FHIT: variants seen among roughly 807,000 people sequenced by gnomAD.
The protein encoded by FHIT is fragile histidine triad diadenosine triphosphatase.
A neutral mutation model predicts 17.9 loss-of-function variants in FHIT; 19 were observed. That is an observed-to-expected ratio of 1.06 (90% CI 0.74 to 1.56). FHIT has a LOEUF of 1.56. Among genes scored for constraint, FHIT ranks in the 40% most tolerant of loss-of-function variants. The pLI, the probability that FHIT is intolerant of heterozygous loss-of-function variation, is 0.00. For missense variants in FHIT, 248 were observed against 189.2 expected, an observed-to-expected ratio of 1.31 and a Z score of -1.82; for synonymous variants, 81 against 69.7, an observed-to-expected ratio of 1.16 and a Z score of -0.81.
intron 5 of FHIT, among the ~76,000 whole-genome samples, chr3:60,431,175 C>A (rs1195761354): frequency 6.6e-6 from 1 of 150,578 alleles, no homozygotes; most frequent in Non-Finnish European, 1.5e-5. Context: ...CGCACCACTG[C>A]ACTCTAGCCT....
chr3:59,755,874 T>G (rs1033628298), intron 8 of FHIT, among the ~76,000 whole-genome samples: 1 of 152,122 alleles, frequency 6.6e-6, no homozygotes, highest in East Asian at 1.9e-4. Flanking sequence ...TATCTACGGA[T>G]CATCCAAAAA....
intron 5 of FHIT, among the ~76,000 whole-genome samples, chr3:60,255,760 T>G (rs1705957692): frequency 6.6e-6 from 1 of 152,100 alleles, no homozygotes; most frequent in Non-Finnish European, 1.5e-5. Flanking sequence ...TGGATATCTA[T>G]AACTGGTGTT....
chr3:59,898,809 A>G (rs1704192949), intron 8 of FHIT, among the ~76,000 whole-genome samples: 1 of 152,198 alleles, frequency 6.6e-6, no homozygotes, highest in Non-Finnish European at 1.5e-5. Context: ...AACAGTGACA[A>G]TAATAGCTGC....
intron 2 of FHIT, among the ~76,000 whole-genome samples, chr3:61,192,972 T>A (rs1156252565): frequency 3.9e-5 from 6 of 152,192 alleles, no homozygotes; most frequent in African/African-American, 1.4e-4. Flanking sequence ...CCCTTTCGCA[T>A]CTCAAAAACT....
At chr3:60,450,394 A>T (rs925333179) in intron 5 of FHIT, among the ~76,000 whole-genome samples, 2 of 152,096 alleles carry the variant, frequency 1.3e-5, no homozygotes, top group African/African-American at 4.8e-5. Flanking sequence ...TCCCCAAGAT[A>T]TAAATATGTA....
intron 7 of FHIT, among the ~76,000 whole-genome samples, chr3:59,991,588 G>A (rs1047048988): frequency 1.3e-5 from 2 of 151,952 alleles, no homozygotes; most frequent in East Asian, 1.9e-4. Flanking sequence ...CATTGCTATC[G>A]GGTTATTCTC....
rs769656662 is a variant in FHIT at position 60,135,906 on chromosome 3, A to T, written c.104-121754T>A. Among the ~76,000 whole-genome samples, 12 of 152,126 alleles carry T rather than the reference A, an allele frequency of 7.9e-5. 1 individual carries two copies. The highest frequency in any genetic ancestry group is 5.9e-4 in the Admixed American group (9 of 15,254). On this transcript the variant is annotated intron_variant, in intron 5 of 9. Transcript: ENST00000492590. ...AGTGGCTCAAAATCTAAATCCACCT[A>T]AACTGTCCATCATCGCCCCCTCCCC...
At chr3:59,779,188 T>G (rs1702462646) in intron 8 of FHIT, among the ~76,000 whole-genome samples, 1 of 152,168 alleles carries the variant, frequency 6.6e-6, no homozygotes, top group Non-Finnish European at 1.5e-5. Context: ...AGCTTGGACA[T>G]AAAGACTTTC....
chr3:60,620,064 A>G (rs2039074946), intron 4 of FHIT, among the ~76,000 whole-genome samples: 1 of 152,200 alleles, frequency 6.6e-6, no homozygotes, highest in African/African-American at 2.4e-5. Flanking sequence ...AAGAAGCTCA[A>G]CATATATTAT....
intron 5 of FHIT, among the ~76,000 whole-genome samples, chr3:60,315,611 G>A (rs1027037134): frequency 6.6e-6 from 1 of 152,210 alleles, no homozygotes. Flanking sequence ...CATCACTGCT[G>A]CTGCACAGGG....
At chr3:60,214,911 C>T (rs1352406161) in intron 5 of FHIT, among the ~76,000 whole-genome samples, 2 of 152,080 alleles carry the variant, frequency 1.3e-5, no homozygotes, top group Non-Finnish European at 2.9e-5. Context: ...CAAACTAACA[C>T]AGGAACAGGA....
chr3:60,986,040 G>T (rs1710708152), intron 3 of FHIT, among the ~76,000 whole-genome samples: 1 of 152,136 alleles, frequency 6.6e-6, no homozygotes, highest in Admixed American at 6.5e-5. Flanking sequence ...AACGACCCTT[G>T]TGGTTATATT....
chr3:60,341,824 A>T (rs1184900985), intron 5 of FHIT, among the ~76,000 whole-genome samples: 1 of 152,098 alleles, frequency 6.6e-6, no homozygotes, highest in African/African-American at 2.4e-5. Context: ...CTACCAGGGA[A>T]ATATTCGCAC....
At chr3:60,077,395 A>T in intron 5 of FHIT, 1 of 151,994 alleles carries the variant, frequency 6.6e-6, no homozygotes. Context: ...TGGTTTCTAA[A>T]TACCATTCTC....
chr3:60,185,872 T>C (rs1448826812), intron 5 of FHIT, among the ~76,000 whole-genome samples: 1 of 152,182 alleles, frequency 6.6e-6, no homozygotes, highest in Non-Finnish European at 1.5e-5. Flanking sequence ...TAGTATCATC[T>C]TGTACTAATT....
At chr3:60,256,941 A>T (rs1022294493) in intron 5 of FHIT, among the ~76,000 whole-genome samples, 30 of 152,234 alleles carry the variant, frequency 2.0e-4, no homozygotes, top group Non-Finnish European at 3.2e-4. Flanking sequence ...AAGGTATTTT[A>T]CAACTCTGTT....
intron 5 of FHIT, among the ~76,000 whole-genome samples, chr3:60,309,321 G>A (rs1708831318): frequency 6.6e-6 from 1 of 151,840 alleles, no homozygotes; most frequent in Admixed American, 6.6e-5. Flanking sequence ...GGCTCTGGGA[G>A]GACAAGAGAC....
At position 60,527,383 on chromosome 3, in the gene FHIT, T is replaced by C. The variant is rs528857925; in HGVS notation, c.103+9477A>G. Among the ~76,000 whole-genome samples, 4 of 152,346 alleles carry C rather than the reference T, an allele frequency of 2.6e-5. No individual in the cohort carries two copies. In the East Asian group the frequency reaches 7.7e-4, roughly 29 times the overall value. ...GGTATCATGGCTAACTTTTAAAGTA[T>C]TAGCACGTAAATCTCTTGAACTGAA... On this transcript the variant is annotated intron_variant, in intron 5 of 9. Coordinates refer to ENST00000492590, the MANE Select transcript of FHIT (RefSeq NM_002012.4).
At chr3:60,785,662 G>T (rs1050748607) in intron 4 of FHIT, among the ~76,000 whole-genome samples, 2 of 152,152 alleles carry the variant, frequency 1.3e-5, no homozygotes, top group Non-Finnish European at 1.5e-5. Context: ...TTCCCTGTCT[G>T]ACTTGGGCCT....
Sources: gnomAD v4.1 joint callset for allele counts (sites outside exome capture counted in the v4.1 genomes callset) on GRCh38, gnomAD v4.1.1 for gene constraint, MANE v1.5 for transcripts, NCBI Gene and HGNC (gene_info 2026-07-23, HGNC 2026-07-21) for gene names.